The following INPP5A variants were observed in gnomAD, a reference collection of about 807,000 sequenced individuals.
The protein encoded by INPP5A is 43 kDa inositol polyphosphate 5-phophatase.
Under a neutral mutation model 65.2 loss-of-function variants are expected in INPP5A, and 14 were observed. That is an observed-to-expected ratio of 0.21 (90% CI 0.14 to 0.34). The LOEUF is 0.34. INPP5A is among the 10% of genes least tolerant of loss of function. The probability of loss-of-function intolerance (pLI) is 1.00; values close to 1 mark genes in which losing one functional copy is unlikely to be tolerated. For synonymous variants in INPP5A, 207 were observed against 208.3 expected (o/e 0.99, Z 0.05); for missense variants, 431 against 545.6 (o/e 0.79, Z 2.09).
intron 8 of INPP5A, among the ~76,000 whole-genome samples, chr10:132,719,176 G>A (rs188665246): frequency 1.3e-5 from 2 of 148,772 alleles, no homozygotes; most frequent in Admixed American, 6.7e-5. Context: ...GCTGTCTTGC[G>A]GGTTCTGTGG....
chr10:132,620,978 A>G (rs1045574413), intron 2 of INPP5A, among the ~76,000 whole-genome samples: 8 of 152,274 alleles, frequency 5.3e-5, no homozygotes, highest in African/African-American at 1.9e-4. Flanking sequence ...TCAAGAATCA[A>G]TCAACAGAAT....
chr10:132,781,007 T>C (rs1375726754), intron 14 of INPP5A, 90 bp downstream of exon 14: 1 of 485,416 alleles, frequency 2.1e-6, no homozygotes, highest in East Asian at 4.8e-5. Flanking sequence ...GGGCGGGTGC[T>C]GGGGCTGGCA....
intron 6 of INPP5A, among the ~76,000 whole-genome samples, chr10:132,700,778 C>T (rs1056687020): frequency 2.6e-5 from 4 of 152,212 alleles, no homozygotes; most frequent in Non-Finnish European, 5.9e-5. Context: ...AATGTAATTA[C>T]CTTGATGGGG....
In INPP5A at chr10:132,777,802, G is replaced by C. The variant is rs748207794; in HGVS notation, c.1089+20G>C. 6 of 1,610,858 alleles carry C rather than the reference G, an allele frequency of 3.7e-6. No individual in the cohort carries two copies. Among genetic ancestry groups the C allele is most frequent in the Non-Finnish European group, 5.1e-6 (6 of 1,179,026 alleles). On this transcript the variant is annotated intron_variant, in intron 13 of 15. Coordinates refer to ENST00000368594, the MANE Select transcript of INPP5A (RefSeq NM_005539.5). ...CTGCGGGTGAGTGTGTGCTGCCCCAGCCCTGGGCACAGAGGGATGTGGAGC... is the reference window on the plus strand; with the variant it reads ...CTGCGGGTGAGTGTGTGCTGCCCCACCCCTGGGCACAGAGGGATGTGGAGC...
chr10:132,632,591 C>A (rs963828900), intron 2 of INPP5A, among the ~76,000 whole-genome samples: 2 of 152,226 alleles, frequency 1.3e-5, no homozygotes, highest in Non-Finnish European at 2.9e-5. Context: ...GGAAAGCCCA[C>A]ACTTCCACCC....
intron 2 of INPP5A, among the ~76,000 whole-genome samples, chr10:132,613,543 G>A (rs2071988027): frequency 6.6e-6 from 1 of 152,176 alleles, no homozygotes; most frequent in Non-Finnish European, 1.5e-5. Flanking sequence ...AATTTTCTTG[G>A]TTTTCTTGGA....
At chr10:132,649,037 A>G (rs1175696762) in intron 3 of INPP5A, among the ~76,000 whole-genome samples, 1 of 151,994 alleles carries the variant, frequency 6.6e-6, no homozygotes, top group Non-Finnish European at 1.5e-5. Context: ...GTTCTGCCCC[A>G]CAGGGCCCTA....
chr10:132,585,974 G>T (rs1301492596), intron 1 of INPP5A, among the ~76,000 whole-genome samples: 1 of 152,208 alleles, frequency 6.6e-6, no homozygotes, highest in African/African-American at 2.4e-5. Context: ...TTGTGAAGCA[G>T]CCTCACCTCC....
At chr10:132,754,297 C>T (rs538940779) in intron 11 of INPP5A, among the ~76,000 whole-genome samples, 2 of 152,376 alleles carry the variant, frequency 1.3e-5, no homozygotes, top group South Asian at 2.1e-4. Context: ...GGCACAGTGC[C>T]GACGTGGGAG....
chr10:132,720,404 G>A (rs867374146), intron 8 of INPP5A, among the ~76,000 whole-genome samples: 1 of 125,574 alleles, frequency 8.0e-6, no homozygotes, highest in Non-Finnish European at 1.6e-5. Context: ...CGGCTGTCTT[G>A]CGGGTTCTGT....
At position 132,553,098 on chromosome 10, in the gene INPP5A, C is replaced by T. The variant is rs534662973; in HGVS notation, c.75+14927C>T. On this transcript the variant is annotated intron_variant, in intron 1 of 15. Coordinates refer to ENST00000368594, the MANE Select transcript of INPP5A (RefSeq NM_005539.5). Reference sequence around the variant, plus strand: ...AGGACAGGGAGGGAGGACTGGTGAACGCCTTCTCAGAGCCTTGGTGGAATA... The same window carrying T: ...AGGACAGGGAGGGAGGACTGGTGAATGCCTTCTCAGAGCCTTGGTGGAATA... 1.9e-3 allele frequency among the ~76,000 whole-genome samples: 261 copies of T among 136,860 alleles called. 1 individual carries two copies. Among genetic ancestry groups the T allele is most frequent in the African/African-American group, 6.9e-3 (245 of 35,528 alleles). The allele number at this position is 136,860 out of a possible 152,430, so 89.8% of individuals were successfully genotyped here.
intron 6 of INPP5A, among the ~76,000 whole-genome samples, chr10:132,702,674 C>A (rs1415903326): frequency 1.3e-5 from 2 of 152,212 alleles, no homozygotes; most frequent in East Asian, 3.8e-4. Context: ...TGCCTGGAAG[C>A]AGGAGAGGCA....
intron 4 of INPP5A, among the ~76,000 whole-genome samples, chr10:132,688,577 CAAAG>C (rs1394615690): frequency 6.6e-6 from 1 of 152,194 alleles, no homozygotes; most frequent in Non-Finnish European, 1.5e-5. Flanking sequence ...CTGCCCAAAA[CAAAG>C]CAAGAGTGCA....
chr10:132,596,588 C>T (rs569424851), intron 1 of INPP5A, among the ~76,000 whole-genome samples: 117 of 152,180 alleles, frequency 7.7e-4, no homozygotes, highest in African/African-American at 2.6e-3. Flanking sequence ...CCACCATGCC[C>T]GGCTAATTTT....
At chr10:132,574,025 C>T (rs1248684979) in intron 1 of INPP5A, among the ~76,000 whole-genome samples, 6 of 59,958 alleles carry the variant, frequency 1.0e-4, no homozygotes, top group Non-Finnish European at 1.5e-4. Context: ...TTGGGGTGTA[C>T]GTGCCGTGGG....
chr10:132,689,427 T>A (rs923692681), intron 4 of INPP5A, among the ~76,000 whole-genome samples: 1 of 152,244 alleles, frequency 6.6e-6, no homozygotes, highest in African/African-American at 2.4e-5. Context: ...GGCACACAGC[T>A]ATCTCCTATG....
At chr10:132,688,119 C>T (rs2134477530) in intron 4 of INPP5A, among the ~76,000 whole-genome samples, 1 of 152,338 alleles carries the variant, frequency 6.6e-6, no homozygotes, top group East Asian at 1.9e-4. Flanking sequence ...GTGGAGTCGG[C>T]ATCAAACCAG....
intron 3 of INPP5A, 122 bp downstream of exon 3, chr10:132,646,090 T>A: frequency 1.5e-6 from 1 of 670,088 alleles, no homozygotes; most frequent in African/African-American, 1.8e-5. Flanking sequence ...GGGGGTCATC[T>A]TGGCTGAGTC....
At chr10:132,677,653 C>T (rs964591717) in intron 4 of INPP5A, among the ~76,000 whole-genome samples, 8 of 152,160 alleles carry the variant, frequency 5.3e-5, no homozygotes, top group Admixed American at 3.9e-4. Context: ...CCGTGGTAAT[C>T]GGAAATGTTA....
Sources: allele counts gnomAD v4.1 joint callset (sites outside exome capture counted in the v4.1 genomes callset), GRCh38; gene constraint gnomAD v4.1.1; transcripts MANE v1.5; gene names NCBI Gene and HGNC (gene_info 2026-07-23, HGNC 2026-07-21).